Variants in LCOR observed in about 807,000 individuals in gnomAD.
The protein encoded by LCOR is ligand-dependent corepressor.
A neutral mutation model predicts 64.4 loss-of-function variants in LCOR; 14 were observed. That is an observed-to-expected ratio of 0.22 (90% CI 0.14 to 0.34). The LOEUF is 0.34. LCOR is among the 10% of genes least tolerant of loss of function. The pLI, the probability that LCOR is intolerant of heterozygous loss-of-function variation, is 1.00. For missense variants in LCOR, 1,686 were observed against 1,765.3 expected, an observed-to-expected ratio of 0.96 and a Z score of 0.80; for synonymous variants, 643 against 642.5, an observed-to-expected ratio of 1.00 and a Z score of -0.01.
At position 96,990,323 on chromosome 10, in the gene LCOR, A is replaced by C. The variant is rs1848189206; in HGVS notation, c.*5189A>C. On this transcript the variant is annotated 3_prime_UTR_variant, in exon 8 of 8. Coordinates refer to ENST00000421806, the MANE Select transcript of LCOR (RefSeq NM_001346516.2). ...TTTTATGACGCCCACTGCAGGCTCA[A>C]AGAGATTTTCACACCTCAGCCTCCT... 6.6e-6 allele frequency: 1 copy of C among 152,134 alleles called. No individual in the cohort carries two copies. The highest frequency in any genetic ancestry group is 2.1e-4 in the South Asian group (1 of 4,830). The allele number at this position is 152,134 out of a possible 1,614,324, so 9.4% of individuals were successfully genotyped here.
At chr10:96,927,858 A>G (rs1010428689) in intron 4 of LCOR, among the ~76,000 whole-genome samples, 1 of 152,222 alleles carries the variant, frequency 6.6e-6, no homozygotes, top group African/African-American at 2.4e-5. Context: ...CGAATGTCAC[A>G]ATAAAGCAAG....
chr10:96,840,631 G>T (rs557882181), intron 2 of LCOR, among the ~76,000 whole-genome samples: 44 of 152,246 alleles, frequency 2.9e-4, no homozygotes, highest in African/African-American at 8.7e-4. Context: ...TTAGATTAAA[G>T]AAAAATAGAG....
At chr10:96,978,220 C>T (rs1848053679) in intron 7 of LCOR, among the ~76,000 whole-genome samples, 1 of 152,214 alleles carries the variant, frequency 6.6e-6, no homozygotes, top group South Asian at 2.1e-4. Flanking sequence ...CTCCTTTGTA[C>T]ATCTCATTGA....
chr10:96,972,119 A>C (rs568780603), intron 7 of LCOR, among the ~76,000 whole-genome samples: 53 of 152,242 alleles, frequency 3.5e-4, no homozygotes, highest in African/African-American at 1.3e-3. Context: ...TACCTTGCTT[A>C]TCCTCACACT....
At chr10:96,958,538 T>A in intron 7 of LCOR, 1 of 705,974 alleles carries the variant, frequency 1.4e-6, no homozygotes, top group East Asian at 2.7e-5. Context: ...TGAGTACTTC[T>A]ATTATTTGTT....
intron 7 of LCOR, among the ~76,000 whole-genome samples, chr10:96,954,053 A>G (rs1847724913): frequency 6.6e-6 from 1 of 152,222 alleles, no homozygotes; most frequent in Non-Finnish European, 1.5e-5. Flanking sequence ...AAATTTCAAA[A>G]TAGGTGTTTG....
chr10:96,832,929 C>CT (rs1845369758), intron 1 of LCOR: 1 of 948,800 alleles, frequency 1.1e-6, no homozygotes, highest in Admixed American at 6.2e-5. Context: ...CGGCGGGCTG[C>CT]AGGCGGGCGC....
At chr10:96,911,568 A>G (rs972241137) in intron 4 of LCOR, among the ~76,000 whole-genome samples, 17 of 152,180 alleles carry the variant, frequency 1.1e-4, no homozygotes, top group African/African-American at 4.1e-4. Context: ...AGGAACATGG[A>G]AAGTGGAGAG....
intron 2 of LCOR, among the ~76,000 whole-genome samples, chr10:96,874,335 A>G (rs1480396659): frequency 6.6e-6 from 1 of 152,162 alleles, no homozygotes; most frequent in Admixed American, 6.5e-5. Flanking sequence ...GTTTTTCTAA[A>G]ACATGCCATT....
chr10:96,927,988 T>C (rs1202935899), intron 4 of LCOR, among the ~76,000 whole-genome samples: 1 of 152,232 alleles, frequency 6.6e-6, no homozygotes, highest in Non-Finnish European at 1.5e-5. Flanking sequence ...AATGCTTTGT[T>C]GTTGAAAATT....
At chr10:96,908,804 C>G (rs564626036) in intron 4 of LCOR, among the ~76,000 whole-genome samples, 53 of 152,222 alleles carry the variant, frequency 3.5e-4, no homozygotes, top group Middle Eastern at 3.4e-3. Context: ...CAGGCTCCCC[C>G]CTCCGGGTTT....
chr10:96,957,535 C>T (rs949114650), intron 7 of LCOR: 11 of 985,344 alleles, frequency 1.1e-5, no homozygotes, highest in Non-Finnish European at 1.2e-5. Context: ...TGGTCAGGCC[C>T]TTCTAAATGC....
At chr10:96,959,533 TCTTTAG>T (rs1847847777) in intron 7 of LCOR, 1 of 152,316 alleles carries the variant, frequency 6.6e-6, no homozygotes, top group Admixed American at 6.5e-5. Flanking sequence ...GGTATTTTTA[TCTTTAG>T]CTTTCTCATT....
At chr10:96,910,159 A>C (rs574019173) in intron 4 of LCOR, among the ~76,000 whole-genome samples, 37 of 152,256 alleles carry the variant, frequency 2.4e-4, no homozygotes, top group Admixed American at 5.9e-4. Flanking sequence ...CAACCTTCCA[A>C]GTAGCTAGGA....
At chr10:96,965,396 C>A (rs933478620) in intron 7 of LCOR, among the ~76,000 whole-genome samples, 2 of 151,426 alleles carry the variant, frequency 1.3e-5, no homozygotes, top group Admixed American at 1.3e-4. Flanking sequence ...GGCACGATGG[C>A]TCACGCCTGT....
chr10:96,934,393 A>G (rs1847312748), intron 4 of LCOR, among the ~76,000 whole-genome samples: 1 of 152,124 alleles, frequency 6.6e-6, no homozygotes, highest in South Asian at 2.1e-4. Flanking sequence ...AGTTTTTAAA[A>G]AGCTTAAGGA....
chr10:96,915,431 G>A (rs1289282281), intron 4 of LCOR, among the ~76,000 whole-genome samples: 1 of 152,170 alleles, frequency 6.6e-6, no homozygotes, highest in Non-Finnish European at 1.5e-5. Flanking sequence ...TGAGGCAGGA[G>A]AATCACTTGA....
chr10:96,914,173 C>G (rs982226265), intron 4 of LCOR, among the ~76,000 whole-genome samples: 28 of 152,078 alleles, frequency 1.8e-4, no homozygotes, highest in Non-Finnish European at 3.1e-4. Flanking sequence ...TTGGTTATAT[C>G]CCTTTAACAT....
intron 7 of LCOR, chr10:96,960,715 G>A (rs1847865523): frequency 6.6e-6 from 1 of 152,098 alleles, no homozygotes; most frequent in African/African-American, 2.4e-5. Context: ...GATGGCTTCA[G>A]CAGAACAGCC....
Sources: allele counts gnomAD v4.1 joint callset (sites outside exome capture counted in the v4.1 genomes callset), GRCh38; gene constraint gnomAD v4.1.1; transcripts MANE v1.5; gene names NCBI Gene and HGNC (gene_info 2026-07-23, HGNC 2026-07-21).